The following RAF1 variants were observed in gnomAD, a reference collection of about 807,000 sequenced individuals.
RAF1 encodes RAF proto-oncogene serine/threonine-protein kinase.
In RAF1, 27 loss-of-function variants were observed where a neutral mutation model predicts 81.1. The ratio of observed to expected loss-of-function variants is 0.33; its 90% CI spans 0.25 to 0.46. The LOEUF (loss-of-function observed/expected upper bound fraction) is 0.46, where lower values mean the gene tolerates loss of function less well. Ranked by LOEUF, RAF1 falls within the 20% of genes least tolerant of loss-of-function variation. The probability of loss-of-function intolerance (pLI) is 1.00; values close to 1 mark genes in which losing one functional copy is unlikely to be tolerated. For missense variants in RAF1, 598 were observed against 826.0 expected, an observed-to-expected ratio of 0.72 and a Z score of 3.38; for synonymous variants, 298 against 294.0, an observed-to-expected ratio of 1.01 and a Z score of -0.14.
intron 2 of RAF1, 94 bp downstream of exon 2, chr3:12,618,419 AAT>A (rs947410918): frequency 7.7e-7 from 1 of 1,291,040 alleles, no homozygotes; most frequent in Admixed American, 1.7e-5. Context: ...CCTAAATGAC[AAT>A]GAATATTTTG....
intron 1 of RAF1, among the ~76,000 whole-genome samples, chr3:12,637,315 T>C (rs1174326925): frequency 6.7e-6 from 1 of 149,876 alleles, no homozygotes; most frequent in African/African-American, 2.5e-5. Context: ...TATATGCATA[T>C]GTACATCTTT....
chr3:12,659,359 CGGA>C (rs1052606292), intron 1 of RAF1, among the ~76,000 whole-genome samples: 5 of 131,192 alleles, frequency 3.8e-5, no homozygotes, highest in African/African-American at 1.4e-4. Context: ...ACCTGGGAGA[CGGA>C]GGTTGTAGTG....
chr3:12,621,843 C>A (rs575068645), intron 1 of RAF1, among the ~76,000 whole-genome samples: 12 of 152,154 alleles, frequency 7.9e-5, no homozygotes, highest in Non-Finnish European at 1.5e-4. Flanking sequence ...CAAGTCTGAA[C>A]CCTTTAATAT....
chr3:12,609,296 A>C lies in RAF1; in HGVS notation c.360T>G (p.Ser120=). 1 of 1,613,834 alleles carries C rather than the reference A, an allele frequency of 6.2e-7. No homozygotes were observed. The highest frequency in any genetic ancestry group is 8.5e-7 in the Non-Finnish European group (1 of 1,179,722). Residue 120 remains serine (S), a synonymous_variant, in exon 4 of 18, where the codon TCT becomes TCG. Coordinates refer to ENST00000442415, the MANE Select transcript of RAF1 (RefSeq NM_001354689.3). The stretch of plus-strand genomic sequence containing the variant: ...CTACTTGAAGTTCTTCTCCAATCAA[A>C]GACGCAGCATCAGTATTCCAATCTA...
chr3:12,623,373 T>C (rs928118876), intron 1 of RAF1, among the ~76,000 whole-genome samples: 3 of 152,232 alleles, frequency 2.0e-5, no homozygotes, highest in Non-Finnish European at 4.4e-5. Flanking sequence ...GTAGAGAATA[T>C]ACTGCAATAA....
chr3:12,647,576 A>G (rs2060393056), intron 1 of RAF1, among the ~76,000 whole-genome samples: 1 of 151,596 alleles, frequency 6.6e-6, no homozygotes, highest in Non-Finnish European at 1.5e-5. Context: ...CCTGGGCAAC[A>G]GAGTGAGACC....
intron 1 of RAF1, among the ~76,000 whole-genome samples, chr3:12,640,961 C>T (rs2060165313): frequency 6.6e-6 from 1 of 152,056 alleles, no homozygotes; most frequent in Non-Finnish European, 1.5e-5. Context: ...CTGGAACCAA[C>T]CCAAATGTCC....
rs747472648 is a variant in RAF1 at position 12,641,490 on chromosome 3, G to GTTTTTTTTTTTTT, written c.-27+22310_-27+22322dup. Among the ~76,000 whole-genome samples, 4 of 134,612 alleles carry GTTTTTTTTTTTTT rather than the reference G, an allele frequency of 3.0e-5. No homozygotes were observed. The South Asian group carries it at 9.7e-4, about 33-fold the overall frequency. 88.3% of individuals were successfully genotyped at this position (134,612 alleles called of 152,430 possible). ...CCCCCCCAAAAAAAAATGTTTTTTG[G>GTTTTTTTTTTTTT]TTTTTTTTTTTTTTTTTTTGAAACA... On this transcript the variant is annotated intron_variant, in intron 1 of 17. Transcript: ENST00000442415.
chr3:12,587,569 G>A, intron 14 of RAF1, 22 bp downstream of exon 13: 7 of 1,596,254 alleles, frequency 4.4e-6, no homozygotes, highest in Non-Finnish European at 6.0e-6. Flanking sequence ...GCAGTCAAAT[G>A]AACTCAACAA....
At chr3:12,657,973 C>T (rs2060753404) in intron 1 of RAF1, among the ~76,000 whole-genome samples, 1 of 152,046 alleles carries the variant, frequency 6.6e-6, no homozygotes, top group Admixed American at 6.6e-5. Context: ...TTTTCCTATT[C>T]TGGACATTAC....
chr3:12,646,468 G>C (rs1264825346), intron 1 of RAF1, among the ~76,000 whole-genome samples: 1 of 152,098 alleles, frequency 6.6e-6, no homozygotes, highest in Non-Finnish European at 1.5e-5. Flanking sequence ...TCTGCCTCCA[G>C]GTTCAAGTAA....
chr3:12,602,414 CAT>C (rs1284418370), intron 8 of RAF1, among the ~76,000 whole-genome samples: 2 of 152,142 alleles, frequency 1.3e-5, no homozygotes, highest in African/African-American at 4.8e-5. Context: ...TTGACACAAT[CAT>C]ACACAGCTCA....
intron 1 of RAF1, among the ~76,000 whole-genome samples, chr3:12,659,771 T>A (rs150959995): frequency 1.3e-5 from 2 of 152,288 alleles, no homozygotes; most frequent in African/African-American, 4.8e-5. Flanking sequence ...CCACTGCCTT[T>A]CAAAGGCAAT....
intron 3 of RAF1, among the ~76,000 whole-genome samples, chr3:12,610,024 G>C (rs4684864): frequency 0.12 from 18,648 of 152,208 alleles, 1,376 homozygotes; most frequent in Admixed American, 0.2. Flanking sequence ...ATCTGTAGTT[G>C]TAGGGTCTAT....
rs2059232083 is a variant in RAF1, at chr3:12,612,166, A to ACG, written c.208-106_208-105dup. 6 of 848,330 alleles carry ACG rather than the reference A, an allele frequency of 7.1e-6. No individual in the cohort carries two copies. In the South Asian group the frequency reaches 8.0e-5, roughly 11 times the overall value. 52.6% of individuals were successfully genotyped at this position (848,330 alleles called of 1,614,324 possible). A position where few individuals can be genotyped will look rare whatever the true frequency, so the allele number is the denominator to read the frequency against. On this transcript the variant is annotated intron_variant, in intron 2 of 17. Coordinates refer to ENST00000442415, the MANE Select transcript of RAF1 (RefSeq NM_001354689.3). ...CAGTCTGTATTGCTTGTGATGGCCCACGCACACACACATATACGAAACAAC... is the reference window on the plus strand; with the variant it reads ...CAGTCTGTATTGCTTGTGATGGCCCACGCGCACACACACATATACGAAACAAC...
chr3:12,603,613 G>A (rs556621857), intron 7 of RAF1: 44 of 633,996 alleles, frequency 6.9e-5, no homozygotes, highest in African/African-American at 6.8e-4. Context: ...TGTTATTAAA[G>A]ATGAAGCAGA....
At chr3:12,635,982 A>C (rs2060016286) in intron 1 of RAF1, among the ~76,000 whole-genome samples, 1 of 150,200 alleles carries the variant, frequency 6.7e-6, no homozygotes, top group Admixed American at 6.6e-5. Flanking sequence ...CAAAAAAAAA[A>C]ACATTAATAA....
chr3:12,643,992 TAAG>T (rs1280285719), intron 1 of RAF1, among the ~76,000 whole-genome samples: 4 of 152,150 alleles, frequency 2.6e-5, no homozygotes, highest in Non-Finnish European at 5.9e-5. Flanking sequence ...AAAAATAAGT[TAAG>T]TAGTACCAGA....
intron 11 of RAF1, among the ~76,000 whole-genome samples, chr3:12,593,267 G>T (rs2058577493): frequency 6.6e-6 from 1 of 151,952 alleles, no homozygotes. Context: ...TTTGGGTGGA[G>T]ATGGGGTTTC....
Sources: gnomAD v4.1 joint callset for allele counts (sites outside exome capture counted in the v4.1 genomes callset) on GRCh38, gnomAD v4.1.1 for gene constraint, MANE v1.5 for transcripts, NCBI Gene and HGNC (gene_info 2026-07-23, HGNC 2026-07-21) for gene names.